The following OR2A1 variants were observed in gnomAD, a reference collection of about 807,000 sequenced individuals.
OR2A1 encodes olfactory receptor family 2 subfamily A member 1, also known as olfactory receptor 2A1/2A42.
For synonymous variants in OR2A1, 2 were observed against 94.7 expected (o/e 0.02, Z 5.68); for missense variants, 1 against 212.3 (o/e 0.00, Z 6.19).
rs1312762854 is a variant in OR2A1 at position 144,322,531 on chromosome 7, G to T, written c.*3474G>T. The T allele has an allele frequency of 6.6e-6, 1 of 150,790 alleles. No homozygotes were observed. Among genetic ancestry groups the T allele is most frequent in the South Asian group, 2.1e-4 (1 of 4,812 alleles). The allele number at this position is 150,790 out of a possible 1,614,324, so 9.3% of individuals were successfully genotyped here. The stretch of plus-strand genomic sequence containing the variant: ...AATACTATCCTAACATTAAAGGGGG[G>T]GAAATAAAGTTTAGTGTAATTAATT... On this transcript the variant is annotated 3_prime_UTR_variant, in exon 2 of 2. Transcript: ENST00000641044.
rs2053038933 is a variant in OR2A1, at chr7:144,313,185, C to T, written c.-5+638C>T. On this transcript the variant is annotated intron_variant, in intron 1 of 1. Transcript: ENST00000641044. ...TTGTTTCTTTCAGTGTTTACTCTGC[C>T]TGAGAACCTGATCCGCAGAAGAATG... 2.0e-5 allele frequency among the ~76,000 whole-genome samples: 2 copies of T among 101,512 alleles called. 1 individual carries two copies. The highest frequency in any genetic ancestry group is 6.8e-4 in the South Asian group (2 of 2,932). 66.6% of individuals were successfully genotyped at this position (101,512 alleles called of 152,430 possible).
At position 144,320,405 on chromosome 7, in the gene OR2A1, C is replaced by T. The variant is rs1432907071; in HGVS notation, c.*1348C>T. On this transcript the variant is annotated 3_prime_UTR_variant, in exon 2 of 2. Coordinates refer to ENST00000641044, the MANE Select transcript of OR2A1 (RefSeq NM_001005287.2). ...ATCTCTAGTTCACATACAACACTCA[C>T]ATGCTCACGTACATGCGTGTGCACA... The T allele has an allele frequency of 1.7e-5, 2 of 120,748 alleles. No homozygotes were observed. Among genetic ancestry groups the T allele is most frequent in the African/African-American group, 8.4e-5 (2 of 23,804 alleles). 7.5% of individuals were successfully genotyped at this position (120,748 alleles called of 1,614,324 possible). A position where few individuals can be genotyped will look rare whatever the true frequency, so the allele number is the denominator to read the frequency against.
chr7:144,312,163 G>C (rs879360174), upstream of OR2A1, among the ~76,000 whole-genome samples: 2,067 of 91,904 alleles, frequency 0.022, 17 homozygotes, highest in East Asian at 0.21. Flanking sequence ...GTCGGTGTTT[G>C]TTAATTGTGC....
Position 144,322,571 on chromosome 7 carries a change from C to G in OR2A1, c.*3514C>G, listed in dbSNP as rs1190751109. 1.3e-5 allele frequency: 2 copies of G among 150,406 alleles called. No homozygotes were observed. Among genetic ancestry groups the G allele is most frequent in the African/African-American group, 2.5e-5 (1 of 40,724 alleles). The allele number at this position is 150,406 out of a possible 1,614,324, so 9.3% of individuals were successfully genotyped here. ...TGTAATTAATTAATTTATTCAAGGT[C>G]GCCAAATCATTCAGTGGTAGAAACA... On this transcript the variant is annotated 3_prime_UTR_variant, in exon 2 of 2. Coordinates refer to ENST00000641044, the MANE Select transcript of OR2A1 (RefSeq NM_001005287.2).
In OR2A1 at chr7:144,322,319, C is replaced by T. The variant is rs2053176470; in HGVS notation, c.*3262C>T. 1 of 148,968 alleles carries T rather than the reference C, an allele frequency of 6.7e-6. No homozygotes were observed. Among genetic ancestry groups the T allele is most frequent in the African/African-American group, 2.5e-5 (1 of 39,976 alleles). The allele number at this position is 148,968 out of a possible 1,614,324, so 9.2% of individuals were successfully genotyped here. ...CATAGAGGACACTTTATCTGTTGACCCCATTTCCAAATTTTCAGTGTTGAG... is the reference window on the plus strand; with the variant it reads ...CATAGAGGACACTTTATCTGTTGACTCCATTTCCAAATTTTCAGTGTTGAG... On this transcript the variant is annotated 3_prime_UTR_variant, in exon 2 of 2. Transcript: ENST00000641044.
upstream of OR2A1, chr7:144,312,403 A>C (rs1193923759): frequency 2.1e-5 from 2 of 94,968 alleles, no homozygotes; most frequent in Non-Finnish European, 4.2e-5. Context: ...ACTCCCAGAA[A>C]CCTTCAGGTG....
chr7:144,316,057 C>A (rs1281721168), intron 1 of OR2A1, among the ~76,000 whole-genome samples: 3 of 147,654 alleles, frequency 2.0e-5, no homozygotes, highest in South Asian at 4.3e-4. Flanking sequence ...ATGCATTTCA[C>A]AACCAAATAT....
At chr7:144,316,488 C>A (rs1383335493) in intron 1 of OR2A1, among the ~76,000 whole-genome samples, 2 of 146,180 alleles carry the variant, frequency 1.4e-5, no homozygotes, top group Admixed American at 1.4e-4. Context: ...CTCCTCCCAC[C>A]CTTTACCCTG....
In OR2A1 at chr7:144,322,531, G is replaced by A. The variant is rs1312762854; in HGVS notation, c.*3474G>A. On this transcript the variant is annotated 3_prime_UTR_variant, in exon 2 of 2. Transcript: ENST00000641044. ...AATACTATCCTAACATTAAAGGGGG[G>A]GAAATAAAGTTTAGTGTAATTAATT... The A allele has an allele frequency of 5.3e-5, 8 of 150,676 alleles. No individual in the cohort carries two copies. The highest frequency in any genetic ancestry group is 8.9e-5 in the Non-Finnish European group (6 of 67,732). The allele number at this position is 150,676 out of a possible 1,614,324, so 9.3% of individuals were successfully genotyped here.
chr7:144,316,567 A>G (rs1267203436), intron 1 of OR2A1, among the ~76,000 whole-genome samples: 5 of 151,096 alleles, frequency 3.3e-5, no homozygotes, highest in Admixed American at 3.3e-4. Flanking sequence ...GCTCCTGCTT[A>G]TATGTGAGAA....
rs1376130941 is a variant in OR2A1 at position 144,320,539 on chromosome 7, A to T, written c.*1482A>T. ...CTCATAAAAACCCTATGAGGTAGAG[A>T]CTATTACTACTATTTTTAGGCGAGA... is the stretch of plus-strand genomic sequence containing the variant. On this transcript the variant is annotated 3_prime_UTR_variant, in exon 2 of 2. Coordinates refer to ENST00000641044, the MANE Select transcript of OR2A1 (RefSeq NM_001005287.2). The T allele has an allele frequency of 5.1e-5, 5 of 98,308 alleles. No individual in the cohort carries two copies. Among genetic ancestry groups the T allele is most frequent in the Non-Finnish European group, 9.6e-5 (5 of 52,160 alleles). The allele number at this position is 98,308 out of a possible 1,614,324, so 6.1% of individuals were successfully genotyped here.
At chr7:144,313,380 C>T (rs1305353893) in intron 1 of OR2A1, among the ~76,000 whole-genome samples, 2 of 76,196 alleles carry the variant, frequency 2.6e-5, no homozygotes, top group African/African-American at 1.3e-4. Flanking sequence ...GAATGAATGC[C>T]TAAATATCAT....
rs1320842667 is a variant in OR2A1 at position 144,322,503 on chromosome 7, A to C, written c.*3446A>C. Reference sequence around the variant, plus strand: ...CTTACATCAAATATGTGGAGTAGGTACTAATACTATCCTAACATTAAAGGG... The same window carrying C: ...CTTACATCAAATATGTGGAGTAGGTCCTAATACTATCCTAACATTAAAGGG... On this transcript the variant is annotated 3_prime_UTR_variant, in exon 2 of 2. Coordinates refer to ENST00000641044, the MANE Select transcript of OR2A1 (RefSeq NM_001005287.2). 12 of 150,958 alleles carry C rather than the reference A, an allele frequency of 7.9e-5. No individual in the cohort carries two copies. In the South Asian group the frequency reaches 1.2e-3, roughly 16 times the overall value. The allele number at this position is 150,958 out of a possible 1,614,324, so 9.4% of individuals were successfully genotyped here.
At chr7:144,315,878 C>A (rs200473922) in intron 1 of OR2A1, among the ~76,000 whole-genome samples, 2 of 81,122 alleles carry the variant, frequency 2.5e-5, no homozygotes, top group African/African-American at 7.6e-5. Context: ...TGGCATGCAC[C>A]TGTAATCCCA....
At chr7:144,316,208 T>G (rs1252269259) in intron 1 of OR2A1, among the ~76,000 whole-genome samples, 1 of 149,560 alleles carries the variant, frequency 6.7e-6, no homozygotes, top group African/African-American at 2.4e-5. Context: ...TATTTGTGTC[T>G]TGCTGATAAT....
rs1244907218 is a variant in OR2A1, at chr7:144,322,364, C to T, written c.*3307C>T. On this transcript the variant is annotated 3_prime_UTR_variant, in exon 2 of 2. Transcript: ENST00000641044. ...GTTGAGCCATCTTCTGATTTCTAAA[C>T]TTCTTTAAATCCCTCTAATTTTAGG... The T allele has an allele frequency of 1.3e-5, 2 of 150,230 alleles. No homozygotes were observed. The highest frequency in any genetic ancestry group is 3.0e-5 in the Non-Finnish European group (2 of 67,704). 9.3% of individuals were successfully genotyped at this position (150,230 alleles called of 1,614,324 possible).
chr7:144,318,067 T>TGTCTAGG (rs1361939935), intron 1 of OR2A1, 54 bp from the exon 2 acceptor site: 2 of 552,574 alleles, frequency 3.6e-6, no homozygotes, highest in African/African-American at 5.8e-5. Flanking sequence ...CATAAAATAA[T>TGTCTAGG]GTCTAGGTGT....
chr7:144,318,115 TCACAG>T lies in OR2A1; in HGVS notation c.-4-5_-4-1del. ...TGGTCCTAAGTGATCTTTTTCTTTT[TCACAG>T]GGAAATGGGGGAAAATCAGACAATG... On this transcript the variant is annotated splice_acceptor_variant and splice_polypyrimidine_tract_variant and intron_variant, in intron 1 of 1. Transcript: ENST00000641044. LOFTEE classifies it low-confidence loss of function (5UTR_SPLICE). The T allele has an allele frequency of 1.6e-6, 1 of 619,016 alleles. No individual in the cohort carries two copies. Among genetic ancestry groups the T allele is most frequent in the Non-Finnish European group, 2.9e-6 (1 of 346,746 alleles). 38.3% of individuals were successfully genotyped at this position (619,016 alleles called of 1,614,324 possible). A position where few individuals can be genotyped will look rare whatever the true frequency, so the allele number is the denominator to read the frequency against.
Position 144,320,525 on chromosome 7 carries a change from C to T in OR2A1, c.*1468C>T, listed in dbSNP as rs909753487. 28 of 112,472 alleles carry T rather than the reference C, an allele frequency of 2.5e-4. 7 individuals are homozygous for T. The highest frequency in any genetic ancestry group is 1.2e-3 in the African/African-American group (27 of 23,094). The allele number at this position is 112,472 out of a possible 1,614,324, so 7.0% of individuals were successfully genotyped here. A position where few individuals can be genotyped will look rare whatever the true frequency, so the allele number is the denominator to read the frequency against. On this transcript the variant is annotated 3_prime_UTR_variant, in exon 2 of 2. Transcript: ENST00000641044. ...GAGCTCTTTAAGTCCTCATAAAAAC[C>T]CTATGAGGTAGAGACTATTACTACT... is the stretch of plus-strand genomic sequence containing the variant.
Sources: gnomAD v4.1 joint callset for allele counts (sites outside exome capture counted in the v4.1 genomes callset) on GRCh38, gnomAD v4.1.1 for gene constraint, MANE v1.5 for transcripts, NCBI Gene and HGNC (gene_info 2026-07-23, HGNC 2026-07-21) for gene names.